KCTD14: variants seen among roughly 807,000 people sequenced by gnomAD.
KCTD14 encodes BTB/POZ domain-containing protein KCTD14.
KCTD14 carries 7 observed loss-of-function variants against 5.9 expected under a neutral mutation model. That is an observed-to-expected ratio of 1.19 (90% CI 0.68 to 2.23). KCTD14 has a LOEUF of 2.23. Among genes scored for constraint, KCTD14 ranks in the 30% most tolerant of loss-of-function variants. KCTD14 has a pLI of 0.00. For missense variants in KCTD14, 342 were observed against 332.2 expected (o/e 1.03, Z -0.23); for synonymous variants, 140 against 133.1 (o/e 1.05, Z -0.36).
At chr11:78,024,397 A>AAAT (rs1555052825), upstream of KCTD14, among the ~76,000 whole-genome samples, 1 of 130,948 alleles carries the variant, frequency 7.6e-6, no homozygotes, top group Non-Finnish European at 1.6e-5. Flanking sequence ...AAAAAAAAAA[A>AAAT]ATATATATAT....
chr11:78,025,461 T>C (rs947935595), upstream of KCTD14, among the ~76,000 whole-genome samples: 4 of 152,126 alleles, frequency 2.6e-5, no homozygotes, highest in Admixed American at 6.5e-5. Context: ...TTAATCTCCA[T>C]TGGGAACACC....
chr11:78,044,964 G>A (rs138339801), intron 1 of KCTD14, among the ~76,000 whole-genome samples: 2 of 152,258 alleles, frequency 1.3e-5, no homozygotes, highest in African/African-American at 4.8e-5. Context: ...CGCATGTGTA[G>A]TATGTTTACT....
chr11:78,031,311 GTACTGAGAT>G (rs1857608254), intron 2 of KCTD14, among the ~76,000 whole-genome samples: 1 of 151,962 alleles, frequency 6.6e-6, no homozygotes, highest in South Asian at 2.1e-4. Flanking sequence ...GCCTCCCAAA[GTACTGAGAT>G]TACAGGTGTG....
upstream of KCTD14, among the ~76,000 whole-genome samples, chr11:78,024,417 C>T (rs1035225145): frequency 1.6e-4 from 10 of 62,780 alleles, no homozygotes; most frequent in African/African-American, 4.5e-4. Flanking sequence ...TATATACACA[C>T]ACACACACAC....
At chr11:78,023,523 T>A, upstream of KCTD14, 2 of 438,780 alleles carry the variant, frequency 4.6e-6, 1 homozygote, top group South Asian at 5.6e-5. Flanking sequence ...TCTTTCTTTT[T>A]TTTTTTTCAG....
intron 1 of KCTD14, 26 bp downstream of exon 1, chr11:78,023,134 G>C (rs371281919): frequency 8.9e-6 from 13 of 1,452,580 alleles, no homozygotes; most frequent in Non-Finnish European, 1.2e-5. Context: ...ACAGAGGCGC[G>C]GGGACGCAGC....
intron 2 of KCTD14, among the ~76,000 whole-genome samples, chr11:78,037,726 C>G (rs960311385): frequency 6.6e-6 from 1 of 151,902 alleles, no homozygotes; most frequent in Non-Finnish European, 1.5e-5. Context: ...GGCTGAGGCA[C>G]GACAATCGCT....
intron 2 of KCTD14, among the ~76,000 whole-genome samples, chr11:78,033,040 A>T (rs1857673186): frequency 6.6e-6 from 1 of 152,060 alleles, no homozygotes; most frequent in Non-Finnish European, 1.5e-5. Context: ...CAGTGTCCTC[A>T]TCTGCAAAAT....
rs1294884794 is a variant in KCTD14, at chr11:78,023,234, C to T, written c.16G>A (p.Ala6Thr). Residue 6 changes from alanine to threonine, a missense_variant, in exon 1 of 2, where the codon GCA (alanine) becomes ACA (threonine). By Grantham distance (58) the Ala-to-Thr change is moderately conservative. Coordinates refer to ENST00000353172, the MANE Select transcript of KCTD14 (RefSeq NM_023930.4). MWQGC[A>T]VERPVGRMTS... ...ATCCTGCCCACTGGCCGCTCCACTG[C>T]GCAGCCCTGCCACATGCAGATCACT... 2 of 1,608,786 alleles carry T rather than the reference C, an allele frequency of 1.2e-6. No homozygotes were observed. Among genetic ancestry groups the T allele is most frequent in the Non-Finnish European group, 1.7e-6 (2 of 1,179,612 alleles).
Position 78,019,315 on chromosome 11 carries a change from A to G in KCTD14, c.91-2045T>C, listed in dbSNP as rs191969679. 5.0e-3 allele frequency among the ~76,000 whole-genome samples: 764 copies of G among 152,098 alleles called. 2 individuals carry two copies. The highest frequency in any genetic ancestry group is 7.9e-3 in the Non-Finnish European group (535 of 67,978). On this transcript the variant is annotated intron_variant, in intron 1 of 1. Transcript: ENST00000353172. ...AGGCGTGAGCCACAGCCCCGGCCAG[A>G]AATGAATTTTTTTTTAAGAGATGCG...
At chr11:78,029,202 A>G (rs1431467413) in intron 2 of KCTD14, among the ~76,000 whole-genome samples, 3 of 147,122 alleles carry the variant, frequency 2.0e-5, no homozygotes, top group Non-Finnish European at 3.0e-5. Context: ...AAAAAAAAAA[A>G]GAGAGATGTA....
chr11:78,038,203 G>A (rs1378430003), intron 2 of KCTD14, among the ~76,000 whole-genome samples: 2 of 152,156 alleles, frequency 1.3e-5, no homozygotes, highest in Non-Finnish European at 2.9e-5. Context: ...AGCGTCCCAA[G>A]TCTTGGGACC....
rs11237358 is a variant in KCTD14 at position 78,017,634 on chromosome 11, G to A, written c.91-364C>T. 2.6e-5 allele frequency among the ~76,000 whole-genome samples: 4 copies of A among 151,994 alleles called. No individual in the cohort carries two copies. The East Asian group carries it at 7.8e-4, about 30-fold the overall frequency. ...TAATTTTTGTATTTTTAGTAAAGAC[G>A]AGGTTTCGCCATGTTTGCTAGTCTG... On this transcript the variant is annotated intron_variant, in intron 1 of 1. Transcript: ENST00000353172.
chr11:78,039,089 A>G (rs1212597262), intron 1 of KCTD14, among the ~76,000 whole-genome samples: 1 of 150,730 alleles, frequency 6.6e-6, no homozygotes, highest in South Asian at 2.1e-4. Context: ...AAAAAAACAC[A>G]AAAAAACAGG....
At chr11:78,039,793 G>C (rs556447149) in intron 1 of KCTD14, among the ~76,000 whole-genome samples, 1 of 151,278 alleles carries the variant, frequency 6.6e-6, no homozygotes, top group Non-Finnish European at 1.5e-5. Flanking sequence ...GTATCGTGAC[G>C]ATTTCCCCCA....
At chr11:78,025,118 GTATATA>G (rs369374652), upstream of KCTD14, among the ~76,000 whole-genome samples, 183 of 44,450 alleles carry the variant, frequency 4.1e-3, 3 homozygotes, top group Middle Eastern at 0.014. Flanking sequence ...GTGTGTGTGT[GTATATA>G]TATATATATA....
At chr11:78,026,204 A>T (rs1435444284), upstream of KCTD14, among the ~76,000 whole-genome samples, 1 of 152,188 alleles carries the variant, frequency 6.6e-6, no homozygotes, top group Non-Finnish European at 1.5e-5. Context: ...TGGGAGGCCA[A>T]GGCAAGTGGA....
At chr11:78,038,077 C>G (rs377639905) in intron 2 of KCTD14, among the ~76,000 whole-genome samples, 5 of 152,006 alleles carry the variant, frequency 3.3e-5, no homozygotes, top group African/African-American at 9.7e-5. Context: ...CTCTGCCCCC[C>G]ACACCATCCT....
At chr11:78,024,893 T>C (rs557531871), upstream of KCTD14, among the ~76,000 whole-genome samples, 183 of 151,660 alleles carry the variant, frequency 1.2e-3, no homozygotes, top group Middle Eastern at 3.4e-3. Flanking sequence ...TGCAGTGAGC[T>C]GAGATCAAGC....
Sources: allele counts gnomAD v4.1 joint callset (sites outside exome capture counted in the v4.1 genomes callset), GRCh38; gene constraint gnomAD v4.1.1; transcripts MANE v1.5; gene names NCBI Gene and HGNC (gene_info 2026-07-23, HGNC 2026-07-21).